Variants in ZNF680 observed in about 807,000 individuals in gnomAD.
The protein encoded by ZNF680 is zinc finger protein 680.
Under a neutral mutation model 12.1 loss-of-function variants are expected in ZNF680, and 6 were observed. The ratio of observed to expected loss-of-function variants is 0.49; its 90% CI spans 0.27 to 0.98. The LOEUF is 0.98. Ranked by LOEUF, ZNF680 falls within the 50% of genes least tolerant of loss-of-function variation. ZNF680 has a pLI of 0.12. For synonymous variants in ZNF680, 170 were observed against 199.3 expected (o/e 0.85, Z 1.24); for missense variants, 561 against 616.3 (o/e 0.91, Z 0.95).
At chr7:64,505,629 T>C in the ZNF680 span, among the ~76,000 whole-genome samples, 2 of 152,306 alleles carry the variant, frequency 1.3e-5, no homozygotes, top group African/African-American at 4.8e-5. Flanking sequence ...TACGGCTTTC[T>C]AAATGTCATT....
chr7:64,513,955 T>G, the ZNF680 span, among the ~76,000 whole-genome samples: 1 of 152,312 alleles, frequency 6.6e-6, no homozygotes, highest in African/African-American at 2.4e-5. Flanking sequence ...ATCAAAATTT[T>G]TATGTAATAA....
the ZNF680 span, among the ~76,000 whole-genome samples, chr7:64,500,322 A>G: frequency 6.6e-6 from 1 of 152,216 alleles, no homozygotes; most frequent in Middle Eastern, 3.2e-3. Context: ...AAAGATATAA[A>G]AACAAATGAG....
Position 64,519,980 on chromosome 7 carries a change from T to C in ZNF680, c.*1181A>G, listed in dbSNP as rs1791444829. ...TAGCATAAAAGTACAATTAGTAAAATGATTCACTAGTAATTTAATTACATT... is the reference window on the plus strand; with the variant it reads ...TAGCATAAAAGTACAATTAGTAAAACGATTCACTAGTAATTTAATTACATT... On this transcript the variant is annotated 3_prime_UTR_variant, in exon 4 of 4. Coordinates refer to ENST00000309683, the MANE Select transcript of ZNF680 (RefSeq NM_178558.5). 6.6e-6 allele frequency: 1 copy of C among 151,834 alleles called. No homozygotes were observed. The highest frequency in any genetic ancestry group is 6.6e-5 in the Admixed American group (1 of 15,240). The allele number at this position is 151,834 out of a possible 1,614,324, so 9.4% of individuals were successfully genotyped here. A position where few individuals can be genotyped will look rare whatever the true frequency, so the allele number is the denominator to read the frequency against.
At chr7:64,525,832 C>A in intron 3 of ZNF680, 1 of 984,600 alleles carries the variant, frequency 1.0e-6, no homozygotes, top group Non-Finnish European at 1.2e-6. Context: ...GACTTCTCAC[C>A]TAGTCAAGAT....
intron 3 of ZNF680, among the ~76,000 whole-genome samples, chr7:64,542,179 C>T (rs1786540692): frequency 1.3e-5 from 2 of 152,136 alleles, no homozygotes; most frequent in Admixed American, 1.3e-4. Flanking sequence ...GACCAAGCTA[C>T]GCCCCTCTCC....
At chr7:64,506,542 ATAAT>A in the ZNF680 span, among the ~76,000 whole-genome samples, 1 of 152,214 alleles carries the variant, frequency 6.6e-6, no homozygotes, top group Non-Finnish European at 1.5e-5. Flanking sequence ...CCTGCAAATA[ATAAT>A]TAATTACTTT....
chr7:64,558,623 G>A (rs952027462), intron 1 of ZNF680, among the ~76,000 whole-genome samples: 2 of 152,136 alleles, frequency 1.3e-5, no homozygotes, highest in African/African-American at 4.8e-5. Context: ...AAGGGGATTG[G>A]GAGGGTCTTA....
chr7:64,549,813 T>TGCAAGGGGTTTGCA (rs1328761677), intron 1 of ZNF680, among the ~76,000 whole-genome samples: 1 of 152,074 alleles, frequency 6.6e-6, no homozygotes, highest in Non-Finnish European at 1.5e-5. Context: ...AAACCCCATG[T>TGCAAGGGGTTTGCA]CTACTTACAG....
rs529773768 is a variant in ZNF680 at position 64,544,217 on chromosome 7, G to A, written c.157+89C>T. The A allele has an allele frequency of 1.3e-4, 188 of 1,501,984 alleles. 2 individuals are homozygous for A. The South Asian group carries it at 2.3e-3, about 18-fold the overall frequency. The allele number at this position is 1,501,984 out of a possible 1,614,324, so 93.0% of individuals were successfully genotyped here. A position where few individuals can be genotyped will look rare whatever the true frequency, so the allele number is the denominator to read the frequency against. On this transcript the variant is annotated intron_variant, in intron 2 of 3. Transcript: ENST00000309683. ...AAACAGGGATCTGAAACTCATTTAT[G>A]CAAAGCACAAATTACCACAAGTTAT...
At chr7:64,552,561 T>G (rs1203868981) in intron 1 of ZNF680, among the ~76,000 whole-genome samples, 1 of 152,178 alleles carries the variant, frequency 6.6e-6, no homozygotes, top group African/African-American at 2.4e-5. Flanking sequence ...CCCTACCAGA[T>G]AAGGTAATAA....
At chr7:64,539,996 A>G (rs1054971559) in intron 3 of ZNF680, among the ~76,000 whole-genome samples, 15 of 152,196 alleles carry the variant, frequency 9.9e-5, no homozygotes, top group African/African-American at 3.6e-4. Flanking sequence ...ATTTTATGTT[A>G]TATTTTCACA....
intron 1 of ZNF680, among the ~76,000 whole-genome samples, chr7:64,558,756 G>A (rs1300168460): frequency 6.7e-6 from 1 of 149,810 alleles, no homozygotes; most frequent in East Asian, 1.9e-4. Flanking sequence ...TTTAAAGATT[G>A]CAAAGTTTAG....
the ZNF680 span, among the ~76,000 whole-genome samples, chr7:64,502,013 TTTTTTTC>T: frequency 5.5e-3 from 643 of 116,868 alleles, 5 homozygotes; most frequent in African/African-American, 0.02. Context: ...TTTTTTTTTT[TTTTTTTC>T]CTGAGATGGA....
the ZNF680 span, chr7:64,500,973 A>C: frequency 3.0e-6 from 2 of 665,684 alleles, no homozygotes; most frequent in Admixed American, 1.9e-5. Flanking sequence ...TCAGTTCATA[A>C]GGGCTTTGCC....
At chr7:64,517,298 A>AT (rs371215225), downstream of ZNF680, among the ~76,000 whole-genome samples, 1,287 of 152,238 alleles carry the variant, frequency 8.5e-3, 13 homozygotes, top group African/African-American at 0.03. Flanking sequence ...ACAAAAGATC[A>AT]TTCAAGGCTA....
At position 64,526,211 on chromosome 7, in the gene ZNF680, T is replaced by G. The variant is rs963688835; in HGVS notation, c.254-3711A>C. ...GAAGAAGAATGTAGGGAAAAAGTAATGTAGAGGTTACTTGTAGATGAAAAA... is the reference window on the plus strand; with the variant it reads ...GAAGAAGAATGTAGGGAAAAAGTAAGGTAGAGGTTACTTGTAGATGAAAAA... On this transcript the variant is annotated intron_variant, in intron 3 of 3. Transcript: ENST00000309683. The G allele has an allele frequency of 4.0e-5, 40 of 1,005,530 alleles. No individual in the cohort carries two copies. In the African/African-American group the frequency reaches 4.9e-4, roughly 12 times the overall value. 62.3% of individuals were successfully genotyped at this position (1,005,530 alleles called of 1,614,324 possible).
chr7:64,553,930 C>G (rs1001498863), intron 1 of ZNF680, among the ~76,000 whole-genome samples: 5 of 152,110 alleles, frequency 3.3e-5, no homozygotes, highest in African/African-American at 9.7e-5. Flanking sequence ...GATCTCGGCT[C>G]GCTACAACCT....
At chr7:64,533,611 CA>C (rs888650738) in intron 3 of ZNF680, among the ~76,000 whole-genome samples, 2 of 152,040 alleles carry the variant, frequency 1.3e-5, no homozygotes, top group African/African-American at 4.8e-5. Flanking sequence ...TAAACAAACT[CA>C]ATACAATCCC....
intron 1 of ZNF680, among the ~76,000 whole-genome samples, chr7:64,560,734 C>T (rs1006422381): frequency 6.6e-6 from 1 of 151,846 alleles, no homozygotes; most frequent in Admixed American, 6.6e-5. Flanking sequence ...ATCGCTTGAA[C>T]CCAAGAGACA....
Sources: gnomAD v4.1 joint callset for allele counts (sites outside exome capture counted in the v4.1 genomes callset) on GRCh38, gnomAD v4.1.1 for gene constraint, MANE v1.5 for transcripts, NCBI Gene and HGNC (gene_info 2026-07-23, HGNC 2026-07-21) for gene names.